Variants in NRXN3 observed in about 807,000 individuals in gnomAD.
NRXN3 encodes neurexin III.
A neutral mutation model predicts 137.6 loss-of-function variants in NRXN3; 32 were observed. The observed-to-expected ratio is 0.23, with a 90% CI of 0.18 to 0.31. The LOEUF (loss-of-function observed/expected upper bound fraction) is 0.31. Among genes scored for constraint, NRXN3 ranks in the 10% least tolerant of loss-of-function variants. NRXN3 has a pLI of 1.00. For synonymous variants in NRXN3, 798 were observed against 784.5 expected (o/e 1.02, Z -0.29); for missense variants, 1,574 against 2,062.5 (o/e 0.76, Z 4.59).
chr14:79,290,663 GAAAA>G (rs11349861), intron 15 of NRXN3, among the ~76,000 whole-genome samples: 1 of 106,670 alleles, frequency 9.4e-6, no homozygotes, highest in African/African-American at 3.7e-5. Context: ...GGTGGTTCCA[GAAAA>G]AAAAAAAAAA....
intron 6 of NRXN3, among the ~76,000 whole-genome samples, chr14:78,652,958 A>G (rs2152637147): frequency 6.6e-6 from 1 of 152,346 alleles, no homozygotes; most frequent in East Asian, 1.9e-4. Flanking sequence ...AATTGAGTAG[A>G]GGAAACATAA....
chr14:79,228,291 C>T (rs1053616184), intron 15 of NRXN3, among the ~76,000 whole-genome samples: 3 of 143,634 alleles, frequency 2.1e-5, no homozygotes, highest in African/African-American at 8.4e-5. Context: ...TTCTTAGGGG[C>T]AGGGAGGAGG....
chr14:79,161,497 C>T (rs939910566), intron 15 of NRXN3, among the ~76,000 whole-genome samples: 7 of 151,914 alleles, frequency 4.6e-5, no homozygotes, highest in Non-Finnish European at 8.8e-5. Flanking sequence ...ATATTTGATA[C>T]ACAATGATTA....
At chr14:79,428,112 C>T (rs1244534554) in intron 15 of NRXN3, among the ~76,000 whole-genome samples, 2 of 152,098 alleles carry the variant, frequency 1.3e-5, no homozygotes, top group Non-Finnish European at 2.9e-5. Context: ...GGGGGCACTG[C>T]TTTAATATCT....
chr14:79,228,697 A>G (rs1035135319), intron 15 of NRXN3, among the ~76,000 whole-genome samples: 2 of 152,318 alleles, frequency 1.3e-5, no homozygotes, highest in African/African-American at 4.8e-5. Context: ...GCTATAGCTG[A>G]CTGATTTGCA....
chr14:79,657,792 T>G (rs1031041193), intron 16 of NRXN3, among the ~76,000 whole-genome samples: 1 of 152,190 alleles, frequency 6.6e-6, no homozygotes, highest in African/African-American at 2.4e-5. Context: ...ACAGATGCAT[T>G]TATAAAGCAT....
intron 15 of NRXN3, among the ~76,000 whole-genome samples, chr14:79,279,090 A>G (rs1214489228): frequency 6.6e-6 from 1 of 152,188 alleles, no homozygotes; most frequent in Non-Finnish European, 1.5e-5. Context: ...GGCACGGGTG[A>G]TAAAGAAGGC....
intron 15 of NRXN3, among the ~76,000 whole-genome samples, chr14:79,071,224 T>A (rs925369133): frequency 6.6e-6 from 1 of 151,852 alleles, no homozygotes; most frequent in Admixed American, 6.6e-5. Context: ...ACATTTTTTT[T>A]AATGTGGTTT....
At chr14:79,141,119 C>T (rs1356559686) in intron 15 of NRXN3, among the ~76,000 whole-genome samples, 1 of 152,060 alleles carries the variant, frequency 6.6e-6, no homozygotes, top group Non-Finnish European at 1.5e-5. Context: ...TTAGTTGGTG[C>T]CTTTAATTGG....
intron 15 of NRXN3, among the ~76,000 whole-genome samples, chr14:79,252,208 A>T (rs1361773231): frequency 6.6e-6 from 1 of 152,164 alleles, no homozygotes; most frequent in East Asian, 1.9e-4. Flanking sequence ...GGTGTATCTG[A>T]ATGTCAAGGT....
intron 16 of NRXN3, among the ~76,000 whole-genome samples, chr14:79,490,852 G>A (rs150980967): frequency 3.2e-4 from 48 of 152,230 alleles, no homozygotes; most frequent in African/African-American, 1.1e-3. Flanking sequence ...AATGTTTGAG[G>A]GGATGGATAC....
At chr14:78,528,450 C>T (rs988913396) in intron 4 of NRXN3, among the ~76,000 whole-genome samples, 12 of 152,044 alleles carry the variant, frequency 7.9e-5, no homozygotes, top group East Asian at 1.9e-4. Context: ...GGATGTAGTG[C>T]GGGATGGTTG....
rs149845833 is a variant in NRXN3 at position 78,312,362 on chromosome 14, T to C, written c.757+14502T>C. Among the ~76,000 whole-genome samples, 4 of 152,266 alleles carry C rather than the reference T, an allele frequency of 2.6e-5. No individual in the cohort carries two copies. In the East Asian group the frequency reaches 7.7e-4, roughly 29 times the overall value. On this transcript the variant is annotated intron_variant, in intron 4 of 20. Transcript: ENST00000335750. ...GGCTGAAGTAAGACGGTGACACCAG[T>C]TGACTTTTAAAAAGCTTTTATACCC...
At chr14:79,078,623 A>G (rs1412128373) in intron 15 of NRXN3, among the ~76,000 whole-genome samples, 1 of 152,218 alleles carries the variant, frequency 6.6e-6, no homozygotes, top group Non-Finnish European at 1.5e-5. Context: ...GACTATAGTA[A>G]CAACTTGGCT....
At position 79,861,490 on chromosome 14, in the gene NRXN3, T is replaced by C; in HGVS notation, c.4242T>C (p.Ala1414=). ...CCCCTGAGCTGATCCGCTTCACAGC[T>C]TCCTCCTCGTCTGGGATGGTGCCCA... ...SLSPELIRFT[A]SSSSGMVPKL... is the part of the protein sequence containing the mutation. The change falls in exon 21 of 21, where the codon GCT becomes GCC. Residue 1414 remains alanine, a synonymous_variant. Coordinates refer to ENST00000335750, the MANE Select transcript of NRXN3 (RefSeq NM_001330195.2). This position sits in a 1 kb window ranked among gnomAD's most constrained non-coding sequence, Gnocchi z 5.4. 6.5e-7 allele frequency: 1 copy of C among 1,538,472 alleles called. No homozygotes were observed. Among genetic ancestry groups the C allele is most frequent in the Non-Finnish European group, 8.7e-7 (1 of 1,147,158 alleles).
At chr14:78,687,676 G>T (rs929730711) in intron 6 of NRXN3, among the ~76,000 whole-genome samples, 2 of 152,206 alleles carry the variant, frequency 1.3e-5, no homozygotes, top group African/African-American at 4.8e-5. Flanking sequence ...TAGGACATGG[G>T]ATGGCAGGGT....
At chr14:78,598,878 G>A (rs2097180261) in intron 4 of NRXN3, among the ~76,000 whole-genome samples, 1 of 152,192 alleles carries the variant, frequency 6.6e-6, no homozygotes, top group Non-Finnish European at 1.5e-5. Context: ...GGTGGGTCTA[G>A]GTGGAGATTA....
At chr14:79,334,910 G>A (rs1156441957) in intron 15 of NRXN3, among the ~76,000 whole-genome samples, 17 of 152,100 alleles carry the variant, frequency 1.1e-4, no homozygotes, top group Admixed American at 1.0e-3. Flanking sequence ...TATTGAAGGA[G>A]GATTGGTCTT....
intron 10 of NRXN3, among the ~76,000 whole-genome samples, chr14:78,878,092 A>G (rs1037216865): frequency 2.0e-5 from 3 of 152,092 alleles, no homozygotes; most frequent in African/African-American, 7.2e-5. Flanking sequence ...GGCTACTGAG[A>G]GTAGGTCATG....
Sources: gnomAD v4.1 joint callset for allele counts (sites outside exome capture counted in the v4.1 genomes callset) on GRCh38, gnomAD v4.1.1 for gene constraint, Gnocchi (gnomAD v3.1) non-coding constraint, MANE v1.5 for transcripts, NCBI Gene and HGNC (gene_info 2026-07-23, HGNC 2026-07-21) for gene names.